Variants in BCLAF3 observed in about 807,000 individuals in gnomAD.
The protein encoded by BCLAF3 is transient octamer binding factor 1.
BCLAF3 carries 24 observed loss-of-function variants against 51.2 expected under a neutral mutation model. The ratio of observed to expected loss-of-function variants is 0.47; its 90% confidence interval spans 0.34 to 0.66. BCLAF3 has a LOEUF of 0.66. Ranked by LOEUF, BCLAF3 falls within the 30% of genes least tolerant of loss-of-function variation. The pLI, the probability that BCLAF3 is intolerant of heterozygous loss-of-function variation, is 0.01. For synonymous variants in BCLAF3, 152 were observed against 176.6 expected (o/e 0.86, Z 1.10); for missense variants, 465 against 525.1 (o/e 0.89, Z 1.12).
intron 1 of BCLAF3, among the ~76,000 whole-genome samples, chrX:19,984,113 C>A (rs887396083): frequency 4.8e-5 from 5 of 103,825 alleles, no homozygotes; most frequent in Non-Finnish European, 7.8e-5. Context: ...GGAATGGCAA[C>A]CCTGGTCTCA....
chrX:19,954,761 G>C (rs1422535841), intron 5 of BCLAF3, among the ~76,000 whole-genome samples: 1 of 112,363 alleles, frequency 8.9e-6, no homozygotes, highest in African/African-American at 3.2e-5. Context: ...AAGGCCTCCA[G>C]TTTGTAATAC....
chrX:19,928,217 T>A, intron 11 of BCLAF3, among the ~76,000 whole-genome samples: 2 of 110,303 alleles, frequency 1.8e-5, no homozygotes, highest in Admixed American at 1.9e-4. Flanking sequence ...CATGGTTAAT[T>A]CAAACAAAAT....
chrX:19,952,389 CAAG>C (rs958132809), intron 7 of BCLAF3, among the ~76,000 whole-genome samples: 2 of 101,311 alleles, frequency 2.0e-5, no homozygotes, highest in African/African-American at 3.7e-5. Flanking sequence ...TCTTCTAAAA[CAAG>C]AGCCAGTTTT....
At chrX:19,955,365 C>A (rs1290560338) in intron 5 of BCLAF3, 26 bp downstream of exon 5, 2 of 1,148,584 alleles carry the variant, frequency 1.7e-6, no homozygotes, top group South Asian at 2.1e-5. Context: ...TGTGTTATCC[C>A]TAACGTATGT....
chrX:19,979,676 A>G (rs887934887), intron 1 of BCLAF3, among the ~76,000 whole-genome samples: 10 of 110,988 alleles, frequency 9.0e-5, no homozygotes, highest in African/African-American at 3.3e-4. Context: ...TGAATCAGAA[A>G]TTCACAAACT....
In BCLAF3 at chrX:19,946,680, T is replaced by C. The variant is rs1195186561; in HGVS notation, c.1745+4073A>G. 4.5e-4 allele frequency among the ~76,000 whole-genome samples: 50 copies of C among 111,666 alleles called. 1 individual carries two copies. In the Admixed American group the frequency reaches 4.8e-3, roughly 11 times the overall value. On this transcript the variant is annotated intron_variant, in intron 8 of 11. Transcript: ENST00000379682. ...TTCAGTTCTTCAAAGCCCTTCGTGA[T>C]TGGCCTCATCTACTCTCTCCCTTTA...
At chrX:19,982,957 T>G (rs867762043) in intron 1 of BCLAF3, among the ~76,000 whole-genome samples, 1 of 84,374 alleles carries the variant, frequency 1.2e-5, no homozygotes, top group Non-Finnish European at 2.0e-5. Context: ...CTTTTTTTTT[T>G]CTTTTTTTTT....
intron 1 of BCLAF3, among the ~76,000 whole-genome samples, chrX:19,982,379 T>C (rs1474897017): frequency 1.8e-5 from 2 of 111,101 alleles, no homozygotes; most frequent in Admixed American, 9.7e-5. Context: ...ATCAGTAGAA[T>C]AGTGAGAAGG....
intron 8 of BCLAF3, among the ~76,000 whole-genome samples, chrX:19,940,919 C>T (rs1316579740): frequency 8.1e-5 from 9 of 110,614 alleles, no homozygotes; most frequent in African/African-American, 3.0e-4. Flanking sequence ...TCTCCACATC[C>T]TCTCCAGCAC....
intron 1 of BCLAF3, among the ~76,000 whole-genome samples, chrX:19,987,368 G>A (rs1286422076): frequency 1.8e-5 from 2 of 112,051 alleles, no homozygotes; most frequent in African/African-American, 3.2e-5. Context: ...GCAGTGGCAC[G>A]ATCTCGACTC....
At chrX:19,947,906 C>G (rs779722791) in intron 8 of BCLAF3, among the ~76,000 whole-genome samples, 5 of 112,554 alleles carry the variant, frequency 4.4e-5, no homozygotes, top group Non-Finnish European at 9.4e-5. Context: ...TCTGTGGAAA[C>G]TACCCTGACT....
chrX:19,954,104 C>T (rs758391507), intron 5 of BCLAF3: 33 of 752,384 alleles, frequency 4.4e-5, no homozygotes, highest in East Asian at 1.5e-4. Flanking sequence ...ATTTATTAAT[C>T]GAAGAATTTT....
rs1339787701 is a variant in BCLAF3, at chrX:19,991,027, C to G, written c.-154G>C. ...CGCCGCCTCCCACAGCAGCGACACC[C>G]CAGCCACCTCTGCCGGGCCGCGGGA... On this transcript the variant is annotated 5_prime_UTR_variant, in exon 1 of 12. Transcript: ENST00000379682. Among the ~76,000 whole-genome samples the G allele has an allele frequency of 9.2e-6, 1 of 108,767 alleles. No individual in the cohort carries two copies. Among genetic ancestry groups the G allele is most frequent in the Non-Finnish European group, 1.9e-5 (1 of 51,814 alleles). The allele number at this position is 108,767 out of a possible 115,157, so 94.5% of individuals were successfully genotyped here.
chrX:19,964,126 T>C (rs181994251), intron 4 of BCLAF3, among the ~76,000 whole-genome samples: 4 of 112,128 alleles, frequency 3.6e-5, no homozygotes, highest in African/African-American at 1.3e-4. Flanking sequence ...TTTCTCTCAT[T>C]TTTGGTTCAA....
chrX:19,938,758 G>C (rs1459410629), intron 8 of BCLAF3, among the ~76,000 whole-genome samples: 1 of 112,677 alleles, frequency 8.9e-6, no homozygotes, highest in African/African-American at 3.2e-5. Flanking sequence ...CTACACCTTT[G>C]CATGTGCAGT....
chrX:19,941,760 T>A (rs1451542349), intron 8 of BCLAF3, among the ~76,000 whole-genome samples: 15 of 103,804 alleles, frequency 1.4e-4, no homozygotes, highest in African/African-American at 4.7e-4. Flanking sequence ...TGCGGGCTCT[T>A]TTTTGGTTCC....
At chrX:19,963,662 A>C (rs969728021) in intron 4 of BCLAF3, among the ~76,000 whole-genome samples, 7 of 111,338 alleles carry the variant, frequency 6.3e-5, no homozygotes, top group Admixed American at 4.8e-4. Context: ...AATATTTTCT[A>C]CAAGTGCAAT....
chrX:19,933,522 AC>A (rs1249373793), intron 10 of BCLAF3, among the ~76,000 whole-genome samples: 2 of 112,017 alleles, frequency 1.8e-5, no homozygotes, highest in Non-Finnish European at 1.9e-5. Context: ...ATAATGAAGC[AC>A]ATAATTTTAC....
At chrX:19,975,006 TAGATC>T (rs763196009) in intron 1 of BCLAF3, among the ~76,000 whole-genome samples, 17 of 112,266 alleles carry the variant, frequency 1.5e-4, no homozygotes, top group Middle Eastern at 4.6e-3. Flanking sequence ...ATTCTAAAAT[TAGATC>T]AGATATTATG....
Sources: gnomAD v4.1 joint callset for allele counts (sites outside exome capture counted in the v4.1 genomes callset) on GRCh38, gnomAD v4.1.1 for gene constraint, MANE v1.5 for transcripts, NCBI Gene and HGNC (gene_info 2026-07-23, HGNC 2026-07-21) for gene names.